PRKG2: variants seen among roughly 807,000 people sequenced by gnomAD.
PRKG2 encodes the protein cGMP-dependent protein kinase 2.
PRKG2 carries 33 observed loss-of-function variants against 97.2 expected under a neutral mutation model. The observed-to-expected ratio is 0.34, with a 90% CI of 0.26 to 0.45. The LOEUF is 0.45. Among genes scored for constraint, PRKG2 ranks in the 20% least tolerant of loss-of-function variants. The pLI is 1.00. For missense variants in PRKG2, 638 were observed against 900.0 expected, an observed-to-expected ratio of 0.71 and a Z score of 3.73; for synonymous variants, 330 against 321.8, an observed-to-expected ratio of 1.03 and a Z score of -0.27.
intron 17 of PRKG2, among the ~76,000 whole-genome samples, chr4:81,102,822 C>G (rs189027064): frequency 1.3e-5 from 2 of 152,252 alleles, no homozygotes; most frequent in East Asian, 3.9e-4. Flanking sequence ...TGTTAAGAAA[C>G]ATGAATAGCA....
At chr4:81,124,725 C>T (rs1267658151) in intron 14 of PRKG2, among the ~76,000 whole-genome samples, 2 of 152,162 alleles carry the variant, frequency 1.3e-5, no homozygotes, top group African/African-American at 4.8e-5. Context: ...CAGCCCCCGA[C>T]ACCATCTGAC....
intron 10 of PRKG2, among the ~76,000 whole-genome samples, chr4:81,143,173 G>A (rs1747469130): frequency 6.6e-6 from 1 of 152,146 alleles, no homozygotes; most frequent in Non-Finnish European, 1.5e-5. Context: ...CCAGGAAATA[G>A]ACGAATGCCA....
chr4:81,161,296 G>A (rs375890542), intron 6 of PRKG2, among the ~76,000 whole-genome samples: 1 of 152,086 alleles, frequency 6.6e-6, no homozygotes, highest in East Asian at 1.9e-4. Context: ...CAGTTTACAA[G>A]AAATTTACTT....
intron 2 of PRKG2, among the ~76,000 whole-genome samples, chr4:81,198,392 T>C (rs1182798923): frequency 6.6e-6 from 1 of 152,182 alleles, no homozygotes; most frequent in Non-Finnish European, 1.5e-5. Context: ...TAACTTCATC[T>C]AGATGTCAAG....
chr4:81,216,904 T>A (rs1754291180), upstream of PRKG2, among the ~76,000 whole-genome samples: 2 of 149,316 alleles, frequency 1.3e-5, no homozygotes, highest in South Asian at 4.2e-4. Flanking sequence ...TGTGTGTGTG[T>A]GTGTGTGTGT....
At chr4:81,128,976 C>A (rs887288640) in intron 14 of PRKG2, among the ~76,000 whole-genome samples, 1 of 151,538 alleles carries the variant, frequency 6.6e-6, no homozygotes, top group Non-Finnish European at 1.5e-5. Flanking sequence ...CTATAAATTT[C>A]CCTCTTTAGC....
chr4:81,109,517 T>C (rs1743690787), intron 15 of PRKG2, among the ~76,000 whole-genome samples: 1 of 152,202 alleles, frequency 6.6e-6, no homozygotes, highest in South Asian at 2.1e-4. Context: ...TAAACACATA[T>C]AGAAGGAAGG....
Position 81,087,810 on chromosome 4 carries a change from T to C in PRKG2, c.*1898A>G, listed in dbSNP as rs1477920421. 6.6e-6 allele frequency: 1 copy of C among 152,154 alleles called. No individual in the cohort carries two copies. Among genetic ancestry groups the C allele is most frequent in the African/African-American group, 2.4e-5 (1 of 41,452 alleles). 9.4% of individuals were successfully genotyped at this position (152,154 alleles called of 1,614,324 possible). Reference sequence around the variant, plus strand: ...AAAATCACATGGGAGGATAACACATTGACATGGTCAATCACAGGAAAAATA... The same window carrying C: ...AAAATCACATGGGAGGATAACACATCGACATGGTCAATCACAGGAAAAATA... On this transcript the variant is annotated 3_prime_UTR_variant, in exon 19 of 19. Coordinates refer to ENST00000264399, the MANE Select transcript of PRKG2 (RefSeq NM_006259.3).
chr4:81,140,437 C>A, intron 12 of PRKG2, 96 bp downstream of exon 12: 1 of 1,124,046 alleles, frequency 8.9e-7, no homozygotes, highest in South Asian at 2.8e-5. Context: ...ACTATGTACC[C>A]ACAAAAATTA....
intron 17 of PRKG2, among the ~76,000 whole-genome samples, chr4:81,099,577 C>T (rs554313695): frequency 6.6e-5 from 10 of 152,240 alleles, no homozygotes; most frequent in African/African-American, 2.4e-4. Context: ...ATAATAAGAG[C>T]TATCTATGAC....
intron 2 of PRKG2, among the ~76,000 whole-genome samples, chr4:81,198,869 T>C (rs898543518): frequency 1.3e-5 from 2 of 152,176 alleles, no homozygotes; most frequent in Non-Finnish European, 2.9e-5. Context: ...ACATTGTCTA[T>C]CACTATGAAA....
chr4:81,104,059 CA>C, intron 17 of PRKG2, among the ~76,000 whole-genome samples: 1 of 151,882 alleles, frequency 6.6e-6, no homozygotes, highest in Admixed American at 6.6e-5. Context: ...AACAAACAAA[CA>C]AAAAAACCTA....
intron 2 of PRKG2, among the ~76,000 whole-genome samples, chr4:81,198,489 A>G (rs1578515484): frequency 6.6e-6 from 1 of 151,332 alleles, no homozygotes; most frequent in Admixed American, 6.6e-5. Context: ...GGTACCACCC[A>G]CCCTACCTCA....
Position 81,089,659 on chromosome 4 carries a change from C to T in PRKG2, c.*49G>A. ...AAAATAATGTGTTGGATTATTGATC[C>T]TTGAGGTCCTCTTCTGTAGAGTACA... On this transcript the variant is annotated 3_prime_UTR_variant, in exon 19 of 19. Transcript: ENST00000264399. 5 of 1,327,278 alleles carry T rather than the reference C, an allele frequency of 3.8e-6. No homozygotes were observed. Among genetic ancestry groups the T allele is most frequent in the East Asian group, 4.6e-5 (2 of 43,256 alleles). The allele number at this position is 1,327,278 out of a possible 1,614,324, so 82.2% of individuals were successfully genotyped here. A position where few individuals can be genotyped will look rare whatever the true frequency, so the allele number is the denominator to read the frequency against.
In PRKG2 at chr4:81,140,627, T is replaced by A. The variant is rs370764328; in HGVS notation, c.1450A>T (p.Ile484Leu). ...NENVAFAMKC[I>L]RKKHIVDTKQ... is the part of the protein sequence containing the mutation. Reference sequence around the variant, plus strand: ...GTGTCAACTATGTGCTTCTTCCTTATACACTTCATAGCAAAAGCAACATTC... The same window carrying A: ...GTGTCAACTATGTGCTTCTTCCTTAAACACTTCATAGCAAAAGCAACATTC... Residue 484 changes from isoleucine to leucine, a missense_variant, in exon 12 of 19, where the codon ATA (isoleucine) becomes TTA (leucine). Ile to Leu is a conservative substitution (Grantham distance 5). Transcript: ENST00000264399. 17 of 1,611,308 alleles carry A rather than the reference T, an allele frequency of 1.1e-5. No homozygotes were observed. Among genetic ancestry groups the A allele is most frequent in the Non-Finnish European group, 1.4e-5 (16 of 1,177,818 alleles).
At chr4:81,206,005 A>G (rs957338592) in intron 1 of PRKG2, among the ~76,000 whole-genome samples, 1 of 152,208 alleles carries the variant, frequency 6.6e-6, no homozygotes. Context: ...CTATCACCAC[A>G]AAGTTGTGAT....
At chr4:81,144,417 G>T in intron 9 of PRKG2, 87 bp from the exon 10 acceptor site, 1 of 981,038 alleles carries the variant, frequency 1.0e-6, no homozygotes, top group Non-Finnish European at 1.6e-6. Context: ...AACACAAGCT[G>T]GTTATTCCTG....
chr4:81,214,353 C>A (rs1368110664), intron 1 of PRKG2, among the ~76,000 whole-genome samples: 3 of 151,942 alleles, frequency 2.0e-5, no homozygotes, highest in Non-Finnish European at 2.9e-5. Flanking sequence ...CAGAACTGAA[C>A]CTATTTCTTT....
intron 17 of PRKG2, among the ~76,000 whole-genome samples, chr4:81,093,310 A>G (rs1741771955): frequency 6.6e-6 from 1 of 150,512 alleles, no homozygotes; most frequent in African/African-American, 2.5e-5. Flanking sequence ...AGTTCATCTC[A>G]GTGAGATCTT....
Sources: allele counts gnomAD v4.1 joint callset (sites outside exome capture counted in the v4.1 genomes callset), GRCh38; gene constraint gnomAD v4.1.1; transcripts MANE v1.5; gene names NCBI Gene and HGNC (gene_info 2026-07-23, HGNC 2026-07-21).